Variants in SEC61A2 observed in about 807,000 individuals in gnomAD.
SEC61A2 encodes the protein protein transport protein Sec61 subunit alpha isoform 2.
Under a neutral mutation model 59.9 loss-of-function variants are expected in SEC61A2, and 28 were observed. That is an observed-to-expected ratio of 0.47 (90% CI 0.35 to 0.64). The LOEUF (loss-of-function observed/expected upper bound fraction) is 0.64, where lower values mean the gene tolerates loss of function less well. SEC61A2 is among the 30% of genes least tolerant of loss of function. The pLI is 0.01. For missense variants in SEC61A2, 340 were observed against 585.9 expected, an observed-to-expected ratio of 0.58 and a Z score of 4.33; for synonymous variants, 202 against 214.4, an observed-to-expected ratio of 0.94 and a Z score of 0.50.
Position 12,149,901 on chromosome 10 carries a change from G to A in SEC61A2, c.402G>A (p.Thr134=), listed in dbSNP as rs140900941. Residue 134 remains threonine, a synonymous_variant, in exon 6 of 12, where the codon ACG becomes ACA. Coordinates refer to ENST00000298428, the MANE Select transcript of SEC61A2 (RefSeq NM_018144.4). The surrounding 1 kb of genome is among the most constrained non-coding windows in gnomAD (Gnocchi z 5.2). ...GGCAAGCCATTGTGTATGTCATGACGGGGATGTATGGGGACCCTGCAGAAA... is the reference window on the plus strand; with the variant it reads ...GGCAAGCCATTGTGTATGTCATGACAGGGATGTATGGGGACCCTGCAGAAA... The part of the protein sequence containing the change: ...TIGQAIVYVM[T]GMYGDPAEMG... 82 of 1,614,028 alleles carry A rather than the reference G, an allele frequency of 5.1e-5. No individual in the cohort carries two copies. The African/African-American group carries it at 6.1e-4, about 12-fold the overall frequency.
intron 3 of SEC61A2, among the ~76,000 whole-genome samples, chr10:12,138,359 A>G (rs1833935697): frequency 6.6e-6 from 1 of 152,190 alleles, no homozygotes; most frequent in South Asian, 2.1e-4. Flanking sequence ...TCCTCTCCCC[A>G]CCATTAAAAA....
Position 12,143,258 on chromosome 10 carries a change from T to C in SEC61A2, c.220+63T>C. On this transcript the variant is annotated intron_variant, in intron 4 of 11. Transcript: ENST00000298428. The surrounding 1 kb of genome is among the most constrained non-coding windows in gnomAD (Gnocchi z 4.8). ...AGCAAACAGATGGAAACATGTGGATTAGCAATGAGTTTTCAATGTCTACAG... is the reference window on the plus strand; with the variant it reads ...AGCAAACAGATGGAAACATGTGGATCAGCAATGAGTTTTCAATGTCTACAG... The C allele has an allele frequency of 8.3e-7, 1 of 1,200,894 alleles. No homozygotes were observed. Among genetic ancestry groups the C allele is most frequent in the South Asian group, 1.2e-5 (1 of 82,940 alleles). The allele number at this position is 1,200,894 out of a possible 1,614,324, so 74.4% of individuals were successfully genotyped here.
At position 12,129,894 on chromosome 10, in the gene SEC61A2, A is replaced by G. The variant is rs1833689202; in HGVS notation, c.7+100A>G. 1 of 1,100,128 alleles carries G rather than the reference A, an allele frequency of 9.1e-7. No individual in the cohort carries two copies. The highest frequency in any genetic ancestry group is 1.6e-5 in the African/African-American group (1 of 60,824). The allele number at this position is 1,100,128 out of a possible 1,614,324, so 68.1% of individuals were successfully genotyped here. A position where few individuals can be genotyped will look rare whatever the true frequency, so the allele number is the denominator to read the frequency against. ...GCGCTCGCTCGGAGTCGTGGGGGCC[A>G]GGGATGCGCGGGCCGCTCCGGGCCT... On this transcript the variant is annotated intron_variant, in intron 1 of 11. Coordinates refer to ENST00000298428, the MANE Select transcript of SEC61A2 (RefSeq NM_018144.4). The surrounding 1 kb of genome is among the most constrained non-coding windows in gnomAD (Gnocchi z 5.6).
At chr10:12,159,837 CT>C (rs34652195) in intron 9 of SEC61A2, among the ~76,000 whole-genome samples, 7 of 150,564 alleles carry the variant, frequency 4.6e-5, no homozygotes, top group African/African-American at 1.5e-4. Flanking sequence ...TCTTAATATG[CT>C]TTTTTTTTGC....
Position 12,142,547 on chromosome 10 carries a change from T to C in SEC61A2, c.142-570T>C. 1 of 979,374 alleles carries C rather than the reference T, an allele frequency of 1.0e-6. No individual in the cohort carries two copies. Among genetic ancestry groups the C allele is most frequent in the Non-Finnish European group, 1.2e-6 (1 of 824,434 alleles). 60.7% of individuals were successfully genotyped at this position (979,374 alleles called of 1,614,324 possible). On this transcript the variant is annotated intron_variant, in intron 3 of 11. Transcript: ENST00000298428. This position sits in a 1 kb window ranked among gnomAD's most constrained non-coding sequence, Gnocchi z 5.4. ...CTTTAGTATATAGAGCTTTGCAAAA[T>C]CATTCTACGACCAGGCAGGTATAAT...
Position 12,158,001 on chromosome 10 carries a change from A to G in SEC61A2, c.871A>G (p.Ile291Val). The G allele has an allele frequency of 1.2e-6, 2 of 1,614,098 alleles. No homozygotes were observed. Among genetic ancestry groups the G allele is most frequent in the Non-Finnish European group, 1.7e-6 (2 of 1,180,008 alleles). ...IKLFYTSNIPIILQSALVSNL... is the reference protein window; with the variant it reads ...IKLFYTSNIPVILQSALVSNL... ...ACTCTTCTACACCTCCAACATCCCC[A>G]TCATCCTCCAGTCGGCCCTGGTGTC... The change falls in exon 9 of 12, where the codon ATC becomes GTC. Residue 291 changes from isoleucine to valine, a missense_variant. Physicochemically the swap from Ile to Val is conservative, Grantham distance 29. Transcript: ENST00000298428. This position sits in a 1 kb window ranked among gnomAD's most constrained non-coding sequence, Gnocchi z 5.7.
rs1021370988 is a variant in SEC61A2, at chr10:12,129,705, C to G, written c.-83C>G. 1.5e-5 allele frequency: 20 copies of G among 1,338,140 alleles called. No individual in the cohort carries two copies. Among genetic ancestry groups the G allele is most frequent in the Middle Eastern group, 4.2e-4 (2 of 4,758 alleles). The allele number at this position is 1,338,140 out of a possible 1,614,324, so 82.9% of individuals were successfully genotyped here. A position where few individuals can be genotyped will look rare whatever the true frequency, so the allele number is the denominator to read the frequency against. On this transcript the variant is annotated 5_prime_UTR_variant, in exon 1 of 12. Coordinates refer to ENST00000298428, the MANE Select transcript of SEC61A2 (RefSeq NM_018144.4). This position sits in a 1 kb window ranked among gnomAD's most constrained non-coding sequence, Gnocchi z 5.6. ...GGGCCGGTAGGATCGCGTCGGGAGCCGGTACCGAGGCCCGAGCCGCGGGAG... is the reference window on the plus strand; with the variant it reads ...GGGCCGGTAGGATCGCGTCGGGAGCGGGTACCGAGGCCCGAGCCGCGGGAG...
chr10:12,169,093 C>G (rs1482013343), downstream of SEC61A2, among the ~76,000 whole-genome samples: 1 of 152,146 alleles, frequency 6.6e-6, no homozygotes, highest in Non-Finnish European at 1.5e-5. This position sits in a 1 kb window ranked among gnomAD's most constrained non-coding sequence, Gnocchi z 4.8. Context: ...TAATACTTTC[C>G]TTCCGACTTC....
rs947348250 is a variant in SEC61A2 at position 12,153,127 on chromosome 10, A to C, written c.463-2651A>C. Among the ~76,000 whole-genome samples, 1 of 152,108 alleles carries C rather than the reference A, an allele frequency of 6.6e-6. No individual in the cohort carries two copies. Among genetic ancestry groups the C allele is most frequent in the African/African-American group, 2.4e-5 (1 of 41,426 alleles). ...CCATTTACAAATCACTTGATTGGCA[A>C]ATTTACAGCCCTTGGGAATTAGGGA... is the stretch of plus-strand genomic sequence containing the variant. On this transcript the variant is annotated intron_variant, in intron 6 of 11. Coordinates refer to ENST00000298428, the MANE Select transcript of SEC61A2 (RefSeq NM_018144.4). This position sits in a 1 kb window ranked among gnomAD's most constrained non-coding sequence, Gnocchi z 5.2.
At chr10:12,150,160 C>T (rs936747869) in intron 6 of SEC61A2, among the ~76,000 whole-genome samples, 199 bp downstream of exon 6, 8 of 152,046 alleles carry the variant, frequency 5.3e-5, no homozygotes, top group African/African-American at 1.9e-4. Context: ...GTTGTGTTGA[C>T]GTGAAAAATT....
At position 12,143,063 on chromosome 10, in the gene SEC61A2, A is replaced by AT; in HGVS notation, c.142-53dup. On this transcript the variant is annotated intron_variant, in intron 3 of 11. Transcript: ENST00000298428. The surrounding 1 kb of genome is among the most constrained non-coding windows in gnomAD (Gnocchi z 4.8). Reference sequence around the variant, plus strand: ...TGCCTCCTGGGTTCAAGCGATTCTTATGCCTCAGCCTTATATAATACAGTT... The same window carrying AT: ...TGCCTCCTGGGTTCAAGCGATTCTTATTGCCTCAGCCTTATATAATACAGTT... 7.3e-7 allele frequency: 1 copy of AT among 1,377,694 alleles called. No individual in the cohort carries two copies. Among genetic ancestry groups the AT allele is most frequent in the Non-Finnish European group, 1.0e-6 (1 of 966,474 alleles). The allele number at this position is 1,377,694 out of a possible 1,614,324, so 85.3% of individuals were successfully genotyped here.
At chr10:12,148,341 G>A (rs149120969) in intron 4 of SEC61A2, among the ~76,000 whole-genome samples, 6,780 of 149,926 alleles carry the variant, frequency 0.045, 384 homozygotes, top group African/African-American at 0.13. Flanking sequence ...CACCTCCCGG[G>A]TTCAAGCAAT....
At chr10:12,131,983 CA>C (rs1833754653) in intron 1 of SEC61A2, among the ~76,000 whole-genome samples, 1 of 57,642 alleles carries the variant, frequency 1.7e-5, no homozygotes, top group African/African-American at 7.0e-5. Flanking sequence ...AGGCGTGAGC[CA>C]ACAAGCCCGG....
At chr10:12,131,025 C>G (rs777941108) in intron 1 of SEC61A2, among the ~76,000 whole-genome samples, 1 of 152,052 alleles carries the variant, frequency 6.6e-6, no homozygotes, top group Non-Finnish European at 1.5e-5. Flanking sequence ...ATATAAAAAT[C>G]AGCCTGGTGT....
intron 3 of SEC61A2, among the ~76,000 whole-genome samples, chr10:12,139,076 C>T (rs1220585655): frequency 6.6e-6 from 1 of 152,180 alleles, no homozygotes; most frequent in Non-Finnish European, 1.5e-5. Context: ...ATTCTCCTAT[C>T]TCAGCCTCCT....
chr10:12,138,396 A>G (rs118017769), intron 3 of SEC61A2, among the ~76,000 whole-genome samples: 3,578 of 152,304 alleles, frequency 0.023, 79 homozygotes, highest in Non-Finnish European at 0.033. Flanking sequence ...GAGGTATAAT[A>G]TATATACAGT....
intron 4 of SEC61A2, among the ~76,000 whole-genome samples, chr10:12,147,639 C>G (rs958758087): frequency 2.0e-5 from 3 of 148,802 alleles, no homozygotes; most frequent in African/African-American, 7.5e-5. Flanking sequence ...GAGCCAAGAT[C>G]GTGCCATTGT....
At position 12,130,323 on chromosome 10, in the gene SEC61A2, G is replaced by A. The variant is rs118098886; in HGVS notation, c.7+529G>A. On this transcript the variant is annotated intron_variant, in intron 1 of 11. Coordinates refer to ENST00000298428, the MANE Select transcript of SEC61A2 (RefSeq NM_018144.4). The stretch of plus-strand genomic sequence containing the variant: ...AACTGTAAGGTTTTATAAGCCTTAG[G>A]GACAAGGCCTTATGTTATAGGAATG... 5.1e-3 allele frequency among the ~76,000 whole-genome samples: 782 copies of A among 152,248 alleles called. 5 individuals carry two copies. The highest frequency in any genetic ancestry group is 9.0e-3 in the Admixed American group (137 of 15,290).
Position 12,149,745 on chromosome 10 carries a change from A to G in SEC61A2, c.352+19A>G, listed in dbSNP as rs1564412287. 1.2e-6 allele frequency: 2 copies of G among 1,607,170 alleles called. No homozygotes were observed. Among genetic ancestry groups the G allele is most frequent in the Admixed American group, 3.4e-5 (2 of 58,416 alleles). The stretch of plus-strand genomic sequence containing the variant: ...CAGAAACGTGAGCATTAATGCAATT[A>G]AAGAGCATTCTCCAAATTTGAGAGT... On this transcript the variant is annotated intron_variant, in intron 5 of 11. Transcript: ENST00000298428. This position sits in a 1 kb window ranked among gnomAD's most constrained non-coding sequence, Gnocchi z 5.2.
Sources: gnomAD v4.1 joint callset for allele counts (sites outside exome capture counted in the v4.1 genomes callset) on GRCh38, gnomAD v4.1.1 for gene constraint, Gnocchi (gnomAD v3.1) non-coding constraint, MANE v1.5 for transcripts, NCBI Gene and HGNC (gene_info 2026-07-23, HGNC 2026-07-21) for gene names.